Variants in MSRB3 observed in about 807,000 individuals in gnomAD.
MSRB3 encodes methionine-R-sulfoxide reductase B3.
Under a neutral mutation model 21.0 loss-of-function variants are expected in MSRB3, and 13 were observed. The ratio of observed to expected loss-of-function variants is 0.62; its 90% CI spans 0.40 to 0.98. MSRB3 has a LOEUF of 0.98. MSRB3 is among the 50% of genes least tolerant of loss of function. The pLI is 0.00. For synonymous variants in MSRB3, 87 were observed against 88.6 expected, an observed-to-expected ratio of 0.98 and a Z score of 0.10; for missense variants, 199 against 230.3, an observed-to-expected ratio of 0.86 and a Z score of 0.88.
At chr12:65,385,512 T>C (rs1879158117) in intron 5 of MSRB3, among the ~76,000 whole-genome samples, 1 of 152,026 alleles carries the variant, frequency 6.6e-6, no homozygotes, top group African/African-American at 2.4e-5. Context: ...AATTCCAGTA[T>C]GGGAAAAAGA....
At chr12:65,374,583 A>C (rs1478900340) in intron 5 of MSRB3, among the ~76,000 whole-genome samples, 1 of 152,188 alleles carries the variant, frequency 6.6e-6, no homozygotes, top group Non-Finnish European at 1.5e-5. Flanking sequence ...ACCTTTCTTT[A>C]CTGTATTCAA....
intron 4 of MSRB3, among the ~76,000 whole-genome samples, chr12:65,358,680 G>C (rs1281937503): frequency 2.0e-5 from 3 of 151,922 alleles, no homozygotes; most frequent in Non-Finnish European, 4.4e-5. Context: ...CTTTATTAGA[G>C]AGTAGTGTTG....
chr12:65,325,337 T>C (rs1031733494), intron 2 of MSRB3, among the ~76,000 whole-genome samples: 5 of 152,244 alleles, frequency 3.3e-5, no homozygotes, highest in African/African-American at 1.2e-4. Flanking sequence ...ACATGCCTGC[T>C]GTGCCTGTGG....
chr12:65,411,572 T>C (rs1242847661), intron 5 of MSRB3, among the ~76,000 whole-genome samples: 1 of 152,074 alleles, frequency 6.6e-6, no homozygotes, highest in African/African-American at 2.4e-5. Context: ...TAAATCCTCA[T>C]GAAATTCTCT....
intron 1 of MSRB3, among the ~76,000 whole-genome samples, chr12:65,288,866 T>C (rs1051508242): frequency 3.9e-5 from 6 of 152,346 alleles, no homozygotes; most frequent in African/African-American, 9.6e-5. Flanking sequence ...AATTTGATGA[T>C]TTTAAAAAGT....
chr12:65,367,310 G>A (rs1365980985), intron 4 of MSRB3, among the ~76,000 whole-genome samples: 1 of 152,194 alleles, frequency 6.6e-6, no homozygotes, highest in Non-Finnish European at 1.5e-5. Context: ...AAGGGAAGAG[G>A]AACCTGTGGA....
chr12:65,437,625 G>A (rs1375157595), intron 5 of MSRB3, among the ~76,000 whole-genome samples: 3 of 151,490 alleles, frequency 2.0e-5, no homozygotes, highest in African/African-American at 4.8e-5. Context: ...GTAGACAGAC[G>A]ACAACTAAAC....
At chr12:65,385,182 C>T (rs563889162) in intron 5 of MSRB3, among the ~76,000 whole-genome samples, 4 of 152,080 alleles carry the variant, frequency 2.6e-5, no homozygotes, top group Admixed American at 2.0e-4. Flanking sequence ...GAAAGGATAG[C>T]GATATGGGTT....
chr12:65,297,678 A>C (rs943634078), intron 1 of MSRB3, among the ~76,000 whole-genome samples: 5 of 152,150 alleles, frequency 3.3e-5, no homozygotes, highest in Non-Finnish European at 7.4e-5. Context: ...ACCAGGATAC[A>C]TTGGTTAGAT....
chr12:65,434,408 A>G (rs1882025518), intron 5 of MSRB3, among the ~76,000 whole-genome samples: 1 of 151,984 alleles, frequency 6.6e-6, no homozygotes, highest in African/African-American at 2.4e-5. Flanking sequence ...CTAGTTGAGA[A>G]GATAAGTCTA....
intron 5 of MSRB3, among the ~76,000 whole-genome samples, chr12:65,447,494 G>C (rs766863142): frequency 1.3e-5 from 2 of 152,174 alleles, no homozygotes; most frequent in Non-Finnish European, 2.9e-5. Flanking sequence ...AAGAAAGCCA[G>C]AGGTAAGAAT....
At chr12:65,308,413 A>G (rs927489594) in intron 1 of MSRB3, 116 bp from the exon 2 acceptor site, 1 of 1,344,516 alleles carries the variant, frequency 7.4e-7, no homozygotes, top group South Asian at 1.3e-5. Context: ...ATTTATTAGC[A>G]GTATGTGCAT....
At chr12:65,364,192 A>AAT (rs1219786951) in intron 4 of MSRB3, among the ~76,000 whole-genome samples, 3 of 152,300 alleles carry the variant, frequency 2.0e-5, no homozygotes, top group Admixed American at 1.3e-4. Context: ...CCTATAAGGG[A>AAT]ATAACTCAGA....
chr12:65,314,389 A>G (rs1345840279), intron 2 of MSRB3, among the ~76,000 whole-genome samples: 1 of 152,144 alleles, frequency 6.6e-6, no homozygotes, highest in African/African-American at 2.4e-5. Context: ...GAATGAAAAT[A>G]TTTTAGAAAA....
At chr12:65,292,675 A>G (rs1872729775) in intron 1 of MSRB3, among the ~76,000 whole-genome samples, 2 of 151,848 alleles carry the variant, frequency 1.3e-5, no homozygotes, top group African/African-American at 4.8e-5. Context: ...GTCCACATCT[A>G]CCGCTCAGCC....
chr12:65,433,415 A>AT (rs1033136593), intron 5 of MSRB3, among the ~76,000 whole-genome samples: 5 of 151,796 alleles, frequency 3.3e-5, no homozygotes, highest in South Asian at 4.1e-4. Flanking sequence ...TTAAAAAAAA[A>AT]TTTTTTTAAT....
At chr12:65,408,113 A>G (rs1392639025) in intron 5 of MSRB3, among the ~76,000 whole-genome samples, 1 of 151,608 alleles carries the variant, frequency 6.6e-6, no homozygotes, top group Admixed American at 6.6e-5. Context: ...TTGTTTTTTT[A>G]AGATGGTGTC....
intron 5 of MSRB3, among the ~76,000 whole-genome samples, chr12:65,384,118 AT>A (rs1326584588): frequency 3.9e-5 from 6 of 152,328 alleles, no homozygotes; most frequent in African/African-American, 1.4e-4. Flanking sequence ...AAGAAATAAT[AT>A]TTTATGCATT....
At chr12:65,361,981 T>C (rs1267561885) in intron 4 of MSRB3, among the ~76,000 whole-genome samples, 1 of 152,190 alleles carries the variant, frequency 6.6e-6, no homozygotes, top group African/African-American at 2.4e-5. Context: ...AAATGTAACA[T>C]AGAGGCCTAA....
Sources: allele counts gnomAD v4.1 joint callset (sites outside exome capture counted in the v4.1 genomes callset), GRCh38; gene constraint gnomAD v4.1.1; transcripts MANE v1.5; gene names NCBI Gene and HGNC (gene_info 2026-07-23, HGNC 2026-07-21).